Variants in SLAIN1 observed in about 807,000 individuals in gnomAD.
The protein encoded by SLAIN1 is SLAIN family member 1.
A neutral mutation model predicts 55.4 loss-of-function variants in SLAIN1; 17 were observed. The observed-to-expected ratio is 0.31, with a 90% CI of 0.21 to 0.46. SLAIN1 has a LOEUF of 0.46. Among genes scored for constraint, SLAIN1 ranks in the 20% least tolerant of loss-of-function variants. The probability of loss-of-function intolerance (pLI) is 1.00; values close to 1 mark genes in which losing one functional copy is unlikely to be tolerated. For missense variants in SLAIN1, 682 were observed against 785.1 expected, an observed-to-expected ratio of 0.87 and a Z score of 1.57; for synonymous variants, 348 against 337.4, an observed-to-expected ratio of 1.03 and a Z score of -0.35.
At chr13:77,746,925 GTGTTTT>G (rs1430782540) in intron 4 of SLAIN1, 70 bp downstream of exon 4, 60 of 1,394,958 alleles carry the variant, frequency 4.3e-5, no homozygotes, top group Admixed American at 1.8e-4. Flanking sequence ...AATGGTTTTT[GTGTTTT>G]TGTTTTTGTT....
chr13:77,761,034 A>T lies in SLAIN1; in HGVS notation c.1621A>T (p.Ser541Cys), dbSNP rs752149669. 6.2e-7 allele frequency: 1 copy of T among 1,614,238 alleles called. No individual in the cohort carries two copies. The highest frequency in any genetic ancestry group is 1.1e-5 in the South Asian group (1 of 91,090). Residue 541 changes from serine (S) to cysteine (C), a missense_variant, in exon 6 of 7, where the codon AGT becomes TGT. Ser to Cys is a moderately radical substitution (Grantham distance 112, BLOSUM62 -1). Coordinates refer to ENST00000418532, the MANE Select transcript of SLAIN1 (RefSeq NM_001242868.2). ...KAAASGIMGR[S>C]ALPRPSLAIN... ...TGCAGCTTCTGGGATAATGGGTCGC[A>T]GTGCACTCCCAAGACCTTCGTTGGC...
At chr13:77,741,151 G>A (rs117135906) in intron 2 of SLAIN1, 4 of 985,288 alleles carry the variant, frequency 4.1e-6, no homozygotes, top group Admixed American at 1.2e-4. Context: ...GTGAGAACAC[G>A]CAGTTACTGT....
intron 2 of SLAIN1, among the ~76,000 whole-genome samples, chr13:77,729,955 G>A (rs1337394515): frequency 6.6e-6 from 1 of 152,044 alleles, no homozygotes; most frequent in Non-Finnish European, 1.5e-5. Context: ...CCAACGGGAG[G>A]AGGAGGTGAG....
chr13:77,744,554 T>G (rs1450697322), intron 3 of SLAIN1, 122 bp downstream of exon 3: 1 of 1,510,648 alleles, frequency 6.6e-7, no homozygotes, highest in South Asian at 1.2e-5. Flanking sequence ...TCTCATACTG[T>G]CCTACTTTTT....
At chr13:77,700,883 G>T (rs557756091) in intron 1 of SLAIN1, among the ~76,000 whole-genome samples, 1 of 152,122 alleles carries the variant, frequency 6.6e-6, no homozygotes, top group Admixed American at 6.5e-5. Context: ...TAGGTATAAG[G>T]TCACAAAAAT....
At chr13:77,744,186 C>A in intron 2 of SLAIN1, 97 bp from the exon 3 acceptor site, 1 of 920,266 alleles carries the variant, frequency 1.1e-6, no homozygotes, top group Non-Finnish European at 1.8e-6. Context: ...AACATGAAAA[C>A]ATGAGACAAA....
At chr13:77,732,072 A>G (rs1176415541) in intron 2 of SLAIN1, among the ~76,000 whole-genome samples, 1 of 152,066 alleles carries the variant, frequency 6.6e-6, no homozygotes. Context: ...CTGAATTTGT[A>G]TATTTACTTT....
intron 4 of SLAIN1, 84 bp downstream of exon 4, chr13:77,746,939 G>A (rs942698368): frequency 2.4e-6 from 3 of 1,259,450 alleles, no homozygotes; most frequent in East Asian, 4.9e-5. Flanking sequence ...TTTTGTTTTT[G>A]TTTTTGAGAC....
intron 2 of SLAIN1, among the ~76,000 whole-genome samples, chr13:77,736,970 C>T (rs935494821): frequency 2.6e-5 from 4 of 152,056 alleles, no homozygotes; most frequent in East Asian, 3.9e-4. Context: ...CATGCTTCAT[C>T]TAACACCTAT....
rs1487581580 is a variant in SLAIN1, at chr13:77,698,363, C to G, written c.450C>G (p.Phe150Leu). Residue 150 changes from phenylalanine to leucine, a missense_variant, in exon 1 of 7, where the codon TTC becomes TTG. Physicochemically the swap from Phe to Leu is conservative, Grantham distance 22. Transcript: ENST00000418532. The surrounding 1 kb of genome is among the most constrained non-coding windows in gnomAD (Gnocchi z 4.1). ...CACCCGAGGCGCCCTTCGTCTACTT[C>G]AAGCCGGCAGCAGGCTTCTTCGGCG... Reference protein sequence around the residue: ...AQPPEAPFVYFKPAAGFFGAG... With the variant: ...AQPPEAPFVYLKPAAGFFGAG... 3 of 1,440,536 alleles carry G rather than the reference C, an allele frequency of 2.1e-6. No homozygotes were observed. The highest frequency in any genetic ancestry group is 3.0e-5 in the African/African-American group (2 of 67,706). 89.2% of individuals were successfully genotyped at this position (1,440,536 alleles called of 1,614,324 possible). A position where few individuals can be genotyped will look rare whatever the true frequency, so the allele number is the denominator to read the frequency against.
chr13:77,715,924 T>C (rs2091202101), intron 1 of SLAIN1, among the ~76,000 whole-genome samples: 2 of 152,158 alleles, frequency 1.3e-5, no homozygotes, highest in South Asian at 4.1e-4. Flanking sequence ...TTTGATGAAG[T>C]CCAATTGATG....
Position 77,736,715 on chromosome 13 carries a change from C to A in SLAIN1, c.767-7568C>A, listed in dbSNP as rs1027938259. Reference sequence around the variant, plus strand: ...TTCTAGCCAGTAGCCTCTTTTTAGTCCTTATCCTACATGCCCTCCCTGAGT... The same window carrying A: ...TTCTAGCCAGTAGCCTCTTTTTAGTACTTATCCTACATGCCCTCCCTGAGT... On this transcript the variant is annotated intron_variant, in intron 2 of 6. Transcript: ENST00000418532. Among the ~76,000 whole-genome samples the A allele has an allele frequency of 2.0e-5, 3 of 152,120 alleles. No homozygotes were observed. In the South Asian group the frequency reaches 6.2e-4, roughly 32 times the overall value.
intron 2 of SLAIN1, among the ~76,000 whole-genome samples, chr13:77,738,936 T>G (rs1178820335): frequency 6.6e-6 from 1 of 152,104 alleles, no homozygotes; most frequent in East Asian, 1.9e-4. Flanking sequence ...CTTTGTTGCC[T>G]TCTTGCATGG....
chr13:77,698,419 C>T lies in SLAIN1; in HGVS notation c.506C>T (p.Ala169Val). ...GGTGGCGGGCCGGAGCCGGGGGGCG[C>T]GGGGACGCCGCCAGGGGCAGCTGCA... ...AGGGGPEPGGAGTPPGAAAAP... is the reference protein window; with the variant it reads ...AGGGGPEPGGVGTPPGAAAAP... Residue 169 changes from alanine (A) to valine (V), a missense_variant, in exon 1 of 7, where the codon GCG becomes GTG. Ala to Val is a moderately conservative substitution (Grantham distance 64). Coordinates refer to ENST00000418532, the MANE Select transcript of SLAIN1 (RefSeq NM_001242868.2). This position sits in a 1 kb window ranked among gnomAD's most constrained non-coding sequence, Gnocchi z 4.1. 2 of 1,392,914 alleles carry T rather than the reference C, an allele frequency of 1.4e-6. No individual in the cohort carries two copies. Among genetic ancestry groups the T allele is most frequent in the Non-Finnish European group, 1.9e-6 (2 of 1,078,728 alleles). 86.3% of individuals were successfully genotyped at this position (1,392,914 alleles called of 1,614,324 possible). A position where few individuals can be genotyped will look rare whatever the true frequency, so the allele number is the denominator to read the frequency against.
At chr13:77,745,121 TAAA>T (rs1873725434) in intron 3 of SLAIN1, among the ~76,000 whole-genome samples, 1 of 151,992 alleles carries the variant, frequency 6.6e-6, no homozygotes, top group Admixed American at 6.6e-5. Context: ...GATGTAGTTA[TAAA>T]AGGGCAACAC....
chr13:77,712,260 G>A (rs147924948), intron 1 of SLAIN1, among the ~76,000 whole-genome samples: 86 of 152,302 alleles, frequency 5.6e-4, no homozygotes, highest in African/African-American at 1.8e-3. Context: ...ATTCAAATAG[G>A]AAGAGAGGAA....
chr13:77,746,083 A>G (rs1873791464), intron 3 of SLAIN1, among the ~76,000 whole-genome samples: 1 of 152,098 alleles, frequency 6.6e-6, no homozygotes, highest in Non-Finnish European at 1.5e-5. Flanking sequence ...TTTGACTTTA[A>G]AAGTTGGGGG....
At chr13:77,735,404 A>T (rs1427447032) in intron 2 of SLAIN1, among the ~76,000 whole-genome samples, 3 of 152,136 alleles carry the variant, frequency 2.0e-5, no homozygotes, top group Non-Finnish European at 4.4e-5. Context: ...TCAACACCTG[A>T]TGCTATGGTT....
intron 1 of SLAIN1, among the ~76,000 whole-genome samples, chr13:77,713,856 G>A (rs1460140205): frequency 1.3e-5 from 2 of 152,140 alleles, no homozygotes; most frequent in East Asian, 3.8e-4. Flanking sequence ...AAAAGGATGA[G>A]TTCATGTCCT....
Sources: allele counts gnomAD v4.1 joint callset (sites outside exome capture counted in the v4.1 genomes callset), GRCh38; gene constraint gnomAD v4.1.1; non-coding constraint Gnocchi (gnomAD v3.1); transcripts MANE v1.5; gene names NCBI Gene and HGNC (gene_info 2026-07-23, HGNC 2026-07-21).